LARGE1: variants seen among roughly 807,000 people sequenced by gnomAD.
The protein encoded by LARGE1 is LARGE xylosyl- and glucuronyltransferase 1.
In LARGE1, 43 loss-of-function variants were observed where a neutral mutation model predicts 87.6. The ratio of observed to expected loss-of-function variants is 0.49; its 90% CI spans 0.38 to 0.63. The LOEUF is 0.63. Ranked by LOEUF, LARGE1 falls within the 30% of genes least tolerant of loss-of-function variation. LARGE1 has a pLI of 0.00. For missense variants in LARGE1, 802 were observed against 1,000.2 expected, an observed-to-expected ratio of 0.80 and a Z score of 2.67; for synonymous variants, 434 against 394.6, an observed-to-expected ratio of 1.10 and a Z score of -1.18.
At chr22:33,585,566 C>T (rs930876157) in intron 5 of LARGE1, among the ~76,000 whole-genome samples, 1 of 152,148 alleles carries the variant, frequency 6.6e-6, no homozygotes, top group African/African-American at 2.4e-5. Flanking sequence ...GTCCTGTAGG[C>T]AGCAGATTTC....
In LARGE1 at chr22:33,393,015, G is replaced by T. The variant is rs115651658; in HGVS notation, c.893-8711C>A. Among the ~76,000 whole-genome samples the T allele has an allele frequency of 4.0e-3, 605 of 152,254 alleles. 3 individuals are homozygous for T. The highest frequency in any genetic ancestry group is 0.014 in the African/African-American group (584 of 41,550). Reference sequence around the variant, plus strand: ...TCTCTTGAGGTTATTCCAAGTGGCAGCTAAGAGATACATCCACAGGAAGAA... The same window carrying T: ...TCTCTTGAGGTTATTCCAAGTGGCATCTAAGAGATACATCCACAGGAAGAA... On this transcript the variant is annotated intron_variant, in intron 7 of 14. Coordinates refer to ENST00000397394, the MANE Select transcript of LARGE1 (RefSeq NM_133642.5).
chr22:33,303,788 A>AT (rs1297575045), intron 12 of LARGE1, among the ~76,000 whole-genome samples: 6 of 141,524 alleles, frequency 4.2e-5, no homozygotes, highest in Admixed American at 4.0e-4. Flanking sequence ...AGCCCAGCTA[A>AT]TTTTTTTGGT....
intron 11 of LARGE1, among the ~76,000 whole-genome samples, chr22:33,239,535 C>CTTTTTTTTTTTTTTTTTTTTTTTTT (rs71187254): frequency 2.1e-5 from 2 of 95,314 alleles, no homozygotes; most frequent in Non-Finnish European, 4.1e-5. Context: ...TTTTTCTTTT[C>CTTTTTTTTTTTTTTTTTTTTTTTTT]TTTTTTTTTT....
At chr22:33,369,732 C>T (rs1243404806) in intron 9 of LARGE1, among the ~76,000 whole-genome samples, 1 of 152,080 alleles carries the variant, frequency 6.6e-6, no homozygotes, top group Admixed American at 6.5e-5. Flanking sequence ...CCACACCCGG[C>T]TAATTTTTAT....
At chr22:33,283,111 A>C in intron 13 of LARGE1, 91 bp downstream of exon 13, 1 of 1,545,398 alleles carries the variant, frequency 6.5e-7, no homozygotes, top group Non-Finnish European at 8.9e-7. Context: ...GCGAGCGACA[A>C]ACTTCCAGAT....
chr22:33,844,278 T>A (rs1002653829), intron 1 of LARGE1, among the ~76,000 whole-genome samples: 1 of 152,114 alleles, frequency 6.6e-6, no homozygotes, highest in Non-Finnish European at 1.5e-5. Context: ...GTGTTCAACA[T>A]ACAGGCTTTC....
At chr22:33,077,717 CT>C in the LARGE1 span, among the ~76,000 whole-genome samples, 1 of 152,198 alleles carries the variant, frequency 6.6e-6, no homozygotes, top group Non-Finnish European at 1.5e-5. Context: ...ACCTGATCAT[CT>C]TAACACAGGG....
intron 11 of LARGE1, among the ~76,000 whole-genome samples, chr22:33,199,873 G>T (rs779184816): frequency 1.3e-5 from 2 of 149,648 alleles, no homozygotes; most frequent in South Asian, 2.1e-4. Flanking sequence ...TTTTTGAGAC[G>T]GAGTCTTACT....
At chr22:33,269,860 G>A (rs79431499), downstream of LARGE1, among the ~76,000 whole-genome samples, 1,084 of 151,910 alleles carry the variant, frequency 7.1e-3, 6 homozygotes, top group Non-Finnish European at 0.011. Context: ...AAAAAATTAG[G>A]TGGGCGTGGT....
At chr22:33,257,652 C>A (rs933559421) in intron 11 of LARGE1, among the ~76,000 whole-genome samples, 4 of 152,110 alleles carry the variant, frequency 2.6e-5, no homozygotes, top group Non-Finnish European at 4.4e-5. Flanking sequence ...CTTTAGAAAT[C>A]ATCTCAACCA....
intron 11 of LARGE1, among the ~76,000 whole-genome samples, chr22:33,220,186 G>C (rs1194917164): frequency 1.3e-5 from 2 of 152,112 alleles, no homozygotes; most frequent in Non-Finnish European, 2.9e-5. Context: ...GTGAGGTCAC[G>C]CACAGCTCAG....
chr22:33,346,824 A>C (rs1347369673), intron 9 of LARGE1, among the ~76,000 whole-genome samples: 1 of 152,142 alleles, frequency 6.6e-6, no homozygotes, highest in African/African-American at 2.4e-5. Context: ...ATGATGATCC[A>C]AGTCTCTGAT....
At chr22:33,719,531 A>ATTTAT (rs1202304747) in intron 2 of LARGE1, among the ~76,000 whole-genome samples, 52 of 149,822 alleles carry the variant, frequency 3.5e-4, no homozygotes, top group African/African-American at 7.5e-4. Flanking sequence ...TTATTTATTT[A>ATTTAT]TTTTTTTGAG....
At chr22:33,773,783 CGTGGTTG>C (rs2085145334) in intron 1 of LARGE1, among the ~76,000 whole-genome samples, 1 of 152,172 alleles carries the variant, frequency 6.6e-6, no homozygotes, top group Non-Finnish European at 1.5e-5. Flanking sequence ...ATCAGGCACT[CGTGGTTG>C]TTGCAAGGAT....
At chr22:33,785,082 CATAT>C (rs201668261) in intron 1 of LARGE1, among the ~76,000 whole-genome samples, 31,897 of 131,672 alleles carry the variant, frequency 0.24, 5,170 homozygotes, top group East Asian at 0.37. Context: ...TGTATACATA[CATAT>C]GTGTATATAC....
At chr22:33,866,931 G>C (rs543677948) in intron 1 of LARGE1, among the ~76,000 whole-genome samples, 1 of 152,100 alleles carries the variant, frequency 6.6e-6, no homozygotes, top group Non-Finnish European at 1.5e-5. Context: ...CTCACTAAAG[G>C]GGTTGATTAT....
At chr22:33,818,306 C>T (rs1391654062) in intron 1 of LARGE1, among the ~76,000 whole-genome samples, 1 of 152,188 alleles carries the variant, frequency 6.6e-6, no homozygotes, top group African/African-American at 2.4e-5. Context: ...TAGTCTGTCG[C>T]TGCAAGGAGA....
At chr22:33,635,342 C>G (rs959476753) in intron 3 of LARGE1, among the ~76,000 whole-genome samples, 2 of 152,082 alleles carry the variant, frequency 1.3e-5, no homozygotes, top group Admixed American at 1.3e-4. Context: ...TGCTGTTCAG[C>G]CTGCGGTCAC....
At chr22:33,743,649 T>C (rs771117760) in intron 2 of LARGE1, among the ~76,000 whole-genome samples, 1 of 152,206 alleles carries the variant, frequency 6.6e-6, no homozygotes, top group Non-Finnish European at 1.5e-5. Context: ...TCATTCTCTA[T>C]ATAGAAGCCA....
Sources: gnomAD v4.1 joint callset for allele counts (sites outside exome capture counted in the v4.1 genomes callset) on GRCh38, gnomAD v4.1.1 for gene constraint, MANE v1.5 for transcripts, NCBI Gene and HGNC (gene_info 2026-07-23, HGNC 2026-07-21) for gene names.